The following WDR18 variants were observed in gnomAD, a reference collection of about 807,000 sequenced individuals.
WDR18 encodes WD repeat domain 18.
WDR18 carries 33 observed loss-of-function variants against 49.6 expected under a neutral mutation model. That is an observed-to-expected ratio of 0.67 (90% CI 0.50 to 0.89). WDR18 has a LOEUF of 0.89. Among genes scored for constraint, WDR18 ranks in the 40% least tolerant of loss-of-function variants. WDR18 has a pLI of 0.00. For synonymous variants in WDR18, 315 were observed against 263.6 expected, an observed-to-expected ratio of 1.19 and a Z score of -1.89; for missense variants, 653 against 593.6, an observed-to-expected ratio of 1.10 and a Z score of -1.04.
chr19:984,819 C>CG (rs3841497), intron 1 of WDR18, among the ~76,000 whole-genome samples: 137 of 143,336 alleles, frequency 9.6e-4, no homozygotes, highest in East Asian at 8.2e-3. Context: ...GGAGACGCTC[C>CG]GGGGGGTCCC....
At chr19:991,601 C>T (rs1380967790) in intron 7 of WDR18, among the ~76,000 whole-genome samples, 1 of 57,162 alleles carries the variant, frequency 1.7e-5, no homozygotes, top group African/African-American at 7.2e-5. Context: ...ACTGGGTTTG[C>T]TGTGGGGTGG....
intron 7 of WDR18, among the ~76,000 whole-genome samples, 156 bp downstream of exon 7, chr19:991,507 A>C (rs55917967): frequency 0.82 from 35,287 of 42,780 alleles, 14,943 homozygotes; most frequent in Middle Eastern, 0.91. Context: ...TGGCTGGGGG[A>C]GTGGACTGGC....
intron 2 of WDR18, among the ~76,000 whole-genome samples, chr19:987,771 C>T (rs1014596226): frequency 4.1e-5 from 6 of 147,314 alleles, no homozygotes; most frequent in African/African-American, 1.5e-4. Flanking sequence ...GTTCTTGGCT[C>T]GGGACAGTGT....
At position 990,326 on chromosome 19, in the gene WDR18, GC is replaced by G; in HGVS notation, c.562del (p.Arg188GlyfsTer11). On this transcript the variant is annotated frameshift_variant, in exon 4 of 10. Coordinates refer to ENST00000585809, the MANE Select transcript of WDR18 (RefSeq NM_024100.4). LOFTEE classifies it high-confidence loss of function. Reference protein sequence around the residue: ...DLHCGFGGPLARVATSSLDQT... With the variant: ...DLHCGFGGPLXRVATSSLDQT... ...GCACTGCGGCTTTGGGGGCCCCCTG[GC>G]CCGGGTGGCCACCTCCTCACTGGAC... 1 of 1,592,104 alleles carries G rather than the reference GC, an allele frequency of 6.3e-7. No individual in the cohort carries two copies.
Position 990,235 on chromosome 19 carries a change from C to G in WDR18, c.468C>G (p.Ala156=), listed in dbSNP as rs751746094. Residue 156 remains alanine, a synonymous_variant, in exon 4 of 10, where the codon GCC becomes GCG. Coordinates refer to ENST00000585809, the MANE Select transcript of WDR18 (RefSeq NM_024100.4). ...LVWSLCSVLQ[A]DPSRIPAPRH... ...CCACCCCGCTCAGCGTGCTGCAGGC[C>G]GACCCCTCCAGGATTCCGGCGCCCA... 4.4e-6 allele frequency: 7 copies of G among 1,597,908 alleles called. No individual in the cohort carries two copies. Among genetic ancestry groups the G allele is most frequent in the South Asian group, 3.3e-5 (3 of 90,852 alleles).
intron 4 of WDR18, 24 bp downstream of exon 4, chr19:990,388 G>T (rs750627828): frequency 2.0e-6 from 3 of 1,511,916 alleles, no homozygotes; most frequent in South Asian, 1.2e-5. Flanking sequence ...ACCCCACCAC[G>T]GTCCATGAGC....
At chr19:984,344 G>T (rs956882462), upstream of WDR18, 6 of 1,585,558 alleles carry the variant, frequency 3.8e-6, no homozygotes, top group Admixed American at 5.2e-5. Context: ...GGGGCGGTGG[G>T]GAAGGCAAGA....
rs770530170 is a variant in WDR18 at position 984,398 on chromosome 19, C to A, written c.45C>A (p.Ala15=). ...MEVAVCTDSA[A]PMWSCIVWEL... ...TGGCCGTGTGTACGGACTCGGCGGCCCCGATGTGGAGCTGCATCGTGTGGG... is the reference window on the plus strand; with the variant it reads ...TGGCCGTGTGTACGGACTCGGCGGCACCGATGTGGAGCTGCATCGTGTGGG... Residue 15 remains alanine, a synonymous_variant, in exon 1 of 10, where the codon GCC becomes GCA. Coordinates refer to ENST00000585809, the MANE Select transcript of WDR18 (RefSeq NM_024100.4). The A allele has an allele frequency of 7.5e-6, 12 of 1,602,334 alleles. No individual in the cohort carries two copies. The highest frequency in any genetic ancestry group is 1.0e-5 in the Non-Finnish European group (12 of 1,176,092).
At chr19:990,553 C>G in intron 4 of WDR18, 189 bp downstream of exon 4, 9 of 958,622 alleles carry the variant, frequency 9.4e-6, no homozygotes, top group Non-Finnish European at 1.3e-5. Flanking sequence ...TACTCATTCA[C>G]CGTTTCTGGC....
intron 4 of WDR18, 149 bp from the exon 5 acceptor site, chr19:990,703 A>T: frequency 8.1e-7 from 1 of 1,238,164 alleles, no homozygotes; most frequent in Non-Finnish European, 1.1e-6. Context: ...CCTGGCCCCC[A>T]AGACCCACAT....
chr19:994,209 G>A lies in WDR18; in HGVS notation c.1168-4G>A, dbSNP rs576666092. ...CTGCCCTCTGACCCCGACTTCTCCC[G>A]CAGAGCGTGCTCGGCGGCCAGGACC... On this transcript the variant is annotated splice_region_variant and splice_polypyrimidine_tract_variant and intron_variant, in intron 9 of 9. Transcript: ENST00000585809. 18 of 1,597,372 alleles carry A rather than the reference G, an allele frequency of 1.1e-5. No homozygotes were observed. Among genetic ancestry groups the A allele is most frequent in the Middle Eastern group, 1.7e-4 (1 of 6,046 alleles).
intron 2 of WDR18, 41 bp downstream of exon 2, chr19:986,016 C>T (rs749497123): frequency 7.5e-6 from 12 of 1,592,918 alleles, no homozygotes; most frequent in Admixed American, 1.7e-5. Flanking sequence ...CAGGACATCT[C>T]AGCCCATCTG....
chr19:984,415 T>C lies in WDR18; in HGVS notation c.62T>C (p.Ile21Thr), dbSNP rs767834523. 6.2e-6 allele frequency: 10 copies of C among 1,605,138 alleles called. No individual in the cohort carries two copies. In the South Asian group the frequency reaches 1.1e-4, roughly 18 times the overall value. ...TDSAAPMWSC[I>T]VWELHSGANL... ...TCGGCGGCCCCGATGTGGAGCTGCA[T>C]CGTGTGGGAACTTCACTCGGGCGCC... Residue 21 changes from isoleucine to threonine, a missense_variant, in exon 1 of 10, where the codon ATC (isoleucine) becomes ACC (threonine). Physicochemically the swap from Ile to Thr is moderately conservative, Grantham distance 89. Coordinates refer to ENST00000585809, the MANE Select transcript of WDR18 (RefSeq NM_024100.4).
chr19:986,268 G>A (rs796947972), intron 2 of WDR18, among the ~76,000 whole-genome samples: 21 of 152,306 alleles, frequency 1.4e-4, no homozygotes, highest in African/African-American at 3.6e-4. Flanking sequence ...TCTCTTCCAC[G>A]CAGGCGGCAG....
chr19:990,670 C>T, intron 4 of WDR18, 182 bp from the exon 5 acceptor site: 1 of 971,984 alleles, frequency 1.0e-6, no homozygotes, highest in Non-Finnish European at 1.5e-6. Context: ...AGACCAAGCT[C>T]CATTTCAGCA....
In WDR18 at chr19:991,240, T is replaced by C; in HGVS notation, c.820T>C (p.Cys274Arg). ...VFKGHRNQVTCLSVSTDGSVL... is the reference protein window; with the variant it reads ...VFKGHRNQVTRLSVSTDGSVL... Reference sequence around the variant, plus strand: ...CTGTCTGTCCAGGAACCAGGTGACTTGCCTGTCAGTGTCCACTGACGGCAG... The same window carrying C: ...CTGTCTGTCCAGGAACCAGGTGACTCGCCTGTCAGTGTCCACTGACGGCAG... Residue 274 changes from cysteine (C) to arginine (R), a missense_variant, in exon 7 of 10, where the codon TGC becomes CGC. Physicochemically the swap from Cys to Arg is radical, Grantham distance 180. Transcript: ENST00000585809. The C allele has an allele frequency of 6.4e-7, 1 of 1,574,310 alleles. No homozygotes were observed. Among genetic ancestry groups the C allele is most frequent in the Non-Finnish European group, 8.6e-7 (1 of 1,158,548 alleles).
At chr19:987,811 C>T (rs2038489881) in intron 2 of WDR18, among the ~76,000 whole-genome samples, 1 of 144,726 alleles carries the variant, frequency 6.9e-6, no homozygotes, top group African/African-American at 2.6e-5. Flanking sequence ...CAGACCCCTG[C>T]TCCCCTAGCC....
At chr19:990,664 C>T in intron 4 of WDR18, 188 bp from the exon 5 acceptor site, 2 of 940,378 alleles carry the variant, frequency 2.1e-6, no homozygotes, top group South Asian at 2.0e-5. Context: ...AGCCGGAGAC[C>T]AAGCTCCATT....
intron 1 of WDR18, among the ~76,000 whole-genome samples, chr19:985,183 T>A (rs1412869123): frequency 6.6e-6 from 1 of 152,174 alleles, no homozygotes; most frequent in African/African-American, 2.4e-5. Flanking sequence ...ATTTTAGTTT[T>A]GAGACAGGGT....
Sources: gnomAD v4.1 joint callset for allele counts (sites outside exome capture counted in the v4.1 genomes callset) on GRCh38, gnomAD v4.1.1 for gene constraint, MANE v1.5 for transcripts, NCBI Gene and HGNC (gene_info 2026-07-23, HGNC 2026-07-21) for gene names.